Variants in NEMP2 observed in about 807,000 individuals in gnomAD.
The protein encoded by NEMP2 is UPF0571 transmembrane protein.
Under a neutral mutation model 54.2 loss-of-function variants are expected in NEMP2, and 53 were observed. The ratio of observed to expected loss-of-function variants is 0.98; its 90% confidence interval spans 0.78 to 1.23. NEMP2 has a LOEUF of 1.23. NEMP2 is among the 50% of genes most tolerant of loss of function. The pLI is 0.00. For missense variants in NEMP2, 455 were observed against 511.3 expected (o/e 0.89, Z 1.06); for synonymous variants, 197 against 190.3 (o/e 1.04, Z -0.29).
chr2:190,607,677 CA>C, the NEMP2 span: 4 of 152,174 alleles, frequency 2.6e-5, no homozygotes. This position sits in a 1 kb window ranked among gnomAD's most constrained non-coding sequence, Gnocchi z 5.2. Flanking sequence ...TTAGACATAA[CA>C]TAAATTTACT....
upstream of NEMP2, among the ~76,000 whole-genome samples, chr2:190,536,523 G>A (rs1389351226): frequency 1.3e-5 from 2 of 152,206 alleles, no homozygotes; most frequent in African/African-American, 4.8e-5. Flanking sequence ...TACTGGGAAA[G>A]CCCCACATCT....
At chr2:190,613,194 T>C in the NEMP2 span, among the ~76,000 whole-genome samples, 11 of 152,172 alleles carry the variant, frequency 7.2e-5, no homozygotes, top group Admixed American at 7.2e-4. Flanking sequence ...TAGTTTAGTT[T>C]TGAAACAGAG....
At chr2:190,599,116 A>T in the NEMP2 span, among the ~76,000 whole-genome samples, 1 of 152,188 alleles carries the variant, frequency 6.6e-6, no homozygotes, top group African/African-American at 2.4e-5. Context: ...GCTGTAATTT[A>T]TTCTCCATTA....
At chr2:190,620,564 C>T in the NEMP2 span, among the ~76,000 whole-genome samples, 1 of 152,272 alleles carries the variant, frequency 6.6e-6, no homozygotes, top group South Asian at 2.1e-4. The surrounding 1 kb of genome is among the most constrained non-coding windows in gnomAD (Gnocchi z 4.9). Context: ...TTTGTTTTAA[C>T]AATTCAGCCC....
chr2:190,570,871 A>G, the NEMP2 span, among the ~76,000 whole-genome samples: 1 of 152,248 alleles, frequency 6.6e-6, no homozygotes, highest in East Asian at 1.9e-4. This position sits in a 1 kb window ranked among gnomAD's most constrained non-coding sequence, Gnocchi z 5.4. Flanking sequence ...TTCACTTCAA[A>G]CAAAAACAAT....
the NEMP2 span, among the ~76,000 whole-genome samples, chr2:190,576,525 G>A: frequency 6.6e-6 from 1 of 151,072 alleles, no homozygotes. Context: ...GTTTCCCTAG[G>A]AGAGAAGAAA....
the NEMP2 span, among the ~76,000 whole-genome samples, chr2:190,644,989 C>T: frequency 1.3e-5 from 2 of 152,286 alleles, no homozygotes; most frequent in East Asian, 3.9e-4. This position sits in a 1 kb window ranked among gnomAD's most constrained non-coding sequence, Gnocchi z 4.4. Flanking sequence ...TATACTGTGA[C>T]ACACTCTACA....
the NEMP2 span, among the ~76,000 whole-genome samples, chr2:190,479,226 T>C: frequency 3.9e-5 from 6 of 152,380 alleles, no homozygotes; most frequent in African/African-American, 1.2e-4. Flanking sequence ...TTCTTTCCCA[T>C]GATCTTTCTC....
chr2:190,453,191 A>G, the NEMP2 span, among the ~76,000 whole-genome samples: 2 of 152,128 alleles, frequency 1.3e-5, no homozygotes, highest in East Asian at 3.9e-4. Flanking sequence ...AGGACCTTGC[A>G]TAGCTGGAAT....
the NEMP2 span, among the ~76,000 whole-genome samples, chr2:190,587,950 C>T: frequency 6.6e-6 from 1 of 152,140 alleles, no homozygotes; most frequent in Admixed American, 6.6e-5. The surrounding 1 kb of genome is among the most constrained non-coding windows in gnomAD (Gnocchi z 5.4). Flanking sequence ...CACATCTACA[C>T]TGAGCATGAA....
chr2:190,559,376 G>A, the NEMP2 span, among the ~76,000 whole-genome samples: 2 of 152,196 alleles, frequency 1.3e-5, no homozygotes, highest in Non-Finnish European at 2.9e-5. This position sits in a 1 kb window ranked among gnomAD's most constrained non-coding sequence, Gnocchi z 4.0. Flanking sequence ...GGGAGAGAAA[G>A]ATGAAAGATT....
At chr2:190,599,628 C>G in the NEMP2 span, among the ~76,000 whole-genome samples, 1 of 152,106 alleles carries the variant, frequency 6.6e-6, no homozygotes, top group African/African-American at 2.4e-5. Flanking sequence ...ACTTTAGGTG[C>G]TGTGCCCCTA....
At position 190,509,421 on chromosome 2, in the gene NEMP2, A is replaced by C; in HGVS notation, c.1131-109T>G. On this transcript the variant is annotated intron_variant, in intron 8 of 8. Coordinates refer to ENST00000409150, the MANE Select transcript of NEMP2 (RefSeq NM_001142645.2). This position sits in a 1 kb window ranked among gnomAD's most constrained non-coding sequence, Gnocchi z 6.1. ...CCCCTTTAATTAAATTTGACTTTGCATCAATACAGGGTGGCATTTACACAG... is the reference window on the plus strand; with the variant it reads ...CCCCTTTAATTAAATTTGACTTTGCCTCAATACAGGGTGGCATTTACACAG... 7.8e-7 allele frequency: 1 copy of C among 1,279,600 alleles called. No individual in the cohort carries two copies. 79.3% of individuals were successfully genotyped at this position (1,279,600 alleles called of 1,614,324 possible).
downstream of NEMP2, chr2:190,501,739 A>G (rs1457683062): frequency 6.5e-6 from 1 of 152,688 alleles, no homozygotes; most frequent in Non-Finnish European, 1.5e-5. Flanking sequence ...AATAAAACAC[A>G]GCTTAAAAAT....
In NEMP2 at chr2:190,514,630, T is replaced by G; in HGVS notation, c.776A>C (p.His259Pro). ...GFFSFVVCYKHGPLADDRSRS... is the reference protein window; with the variant it reads ...GFFSFVVCYKPGPLADDRSRS... ...GCTCCTGTCGTCTGCAAGGGGCCCA[T>G]GCTTGTAACAAACAACAAAGCTGAA... The change falls in exon 7 of 9, where the codon CAT (histidine) becomes CCT (proline). Residue 259 changes from histidine (H) to proline (P), a missense_variant. Around this residue, in one of 3 missense-constraint regions of NEMP2, gnomAD observed 294 missense variants for 333.6 expected, o/e 0.88. Coordinates refer to ENST00000409150, the MANE Select transcript of NEMP2 (RefSeq NM_001142645.2). This position sits in a 1 kb window ranked among gnomAD's most constrained non-coding sequence, Gnocchi z 5.7. 2.6e-6 allele frequency: 4 copies of G among 1,551,706 alleles called. No homozygotes were observed. The highest frequency in any genetic ancestry group is 3.5e-6 in the Non-Finnish European group (4 of 1,147,000).
chr2:190,459,342 A>G, the NEMP2 span, among the ~76,000 whole-genome samples: 20 of 152,342 alleles, frequency 1.3e-4, no homozygotes, highest in East Asian at 3.9e-3. The surrounding 1 kb of genome is among the most constrained non-coding windows in gnomAD (Gnocchi z 5.3). Flanking sequence ...CTTAGGGTCA[A>G]GTAAAACTCT....
chr2:190,534,558 C>T lies in NEMP2; in HGVS notation c.97+1G>A, dbSNP rs1691295185. On this transcript the variant is annotated splice_donor_variant, in intron 1 of 8. Coordinates refer to ENST00000409150, the MANE Select transcript of NEMP2 (RefSeq NM_001142645.2). LOFTEE classifies it high-confidence loss of function. ...CGCCGCCGCCGCCGGTCCCGGGTTACCTGATAACGCTGCCGCCGCCGCCTC... is the reference window on the plus strand; with the variant it reads ...CGCCGCCGCCGCCGGTCCCGGGTTATCTGATAACGCTGCCGCCGCCGCCTC... 2 of 1,402,128 alleles carry T rather than the reference C, an allele frequency of 1.4e-6. No homozygotes were observed. The highest frequency in any genetic ancestry group is 1.5e-5 in the South Asian group (1 of 65,496). The allele number at this position is 1,402,128 out of a possible 1,614,324, so 86.9% of individuals were successfully genotyped here.
chr2:190,457,996 C>G, the NEMP2 span, among the ~76,000 whole-genome samples: 6 of 152,238 alleles, frequency 3.9e-5, no homozygotes, highest in East Asian at 1.2e-3. This position sits in a 1 kb window ranked among gnomAD's most constrained non-coding sequence, Gnocchi z 5.1. Context: ...GTACAAAATG[C>G]GAAGAGTCCT....
At chr2:190,444,082 G>A in the NEMP2 span, among the ~76,000 whole-genome samples, 3 of 152,072 alleles carry the variant, frequency 2.0e-5, no homozygotes, top group African/African-American at 2.4e-5. Context: ...AAAATGAGTA[G>A]TCTAATTAAG....
Sources: allele counts gnomAD v4.1 joint callset (sites outside exome capture counted in the v4.1 genomes callset), GRCh38; gene constraint gnomAD v4.1.1; regional missense constraint gnomAD v4.1.1; non-coding constraint Gnocchi (gnomAD v3.1); transcripts MANE v1.5; gene names NCBI Gene and HGNC (gene_info 2026-07-23, HGNC 2026-07-21).